Variants in PCDH9 observed in about 807,000 individuals in gnomAD.
PCDH9 encodes the protein protocadherin 9.
PCDH9 carries 24 observed loss-of-function variants against 70.6 expected under a neutral mutation model. The observed-to-expected ratio is 0.34, with a 90% CI of 0.25 to 0.48. The LOEUF is 0.48. PCDH9 is among the 20% of genes least tolerant of loss of function. PCDH9 has a pLI of 0.99. For synonymous variants in PCDH9, 562 were observed against 558.5 expected (o/e 1.01, Z -0.09); for missense variants, 1,281 against 1,503.6 (o/e 0.85, Z 2.45).
In PCDH9 at chr13:66,631,558, TA is replaced by T. The variant is rs2077571717; in HGVS notation, c.3139-148del. On this transcript the variant is annotated intron_variant, in intron 3 of 4. Transcript: ENST00000377865. ...TAGGAACAAAGCTAAGAACAAGTAT[TA>T]ATTACTTGCCATTTACTATGTAATG... 6 of 592,200 alleles carry T rather than the reference TA, an allele frequency of 1.0e-5. No homozygotes were observed. The East Asian group carries it at 1.7e-4, about 16-fold the overall frequency. 36.7% of individuals were successfully genotyped at this position (592,200 alleles called of 1,614,324 possible). A position where few individuals can be genotyped will look rare whatever the true frequency, so the allele number is the denominator to read the frequency against.
intron 2 of PCDH9, among the ~76,000 whole-genome samples, chr13:66,971,896 C>T (rs934950836): frequency 1.3e-4 from 20 of 151,812 alleles, no homozygotes; most frequent in South Asian, 4.1e-4. Context: ...GTTAAGTCTT[C>T]GAGCTATTGT....
chr13:66,442,664 T>C (rs1957995763), intron 4 of PCDH9, among the ~76,000 whole-genome samples: 1 of 25,036 alleles, frequency 4.0e-5, no homozygotes, highest in Admixed American at 8.7e-4. Context: ...CTCCAGTTTG[T>C]TGTTTTTTTT....
chr13:66,433,149 AAC>A (rs1957803458), intron 4 of PCDH9, among the ~76,000 whole-genome samples: 1 of 152,020 alleles, frequency 6.6e-6, no homozygotes, highest in Non-Finnish European at 1.5e-5. Flanking sequence ...TATTTTAATC[AAC>A]ACACTTATTA....
chr13:66,771,559 A>G (rs1430534412), intron 3 of PCDH9, among the ~76,000 whole-genome samples: 5 of 152,222 alleles, frequency 3.3e-5, no homozygotes, highest in Non-Finnish European at 5.9e-5. Flanking sequence ...TTTCCAAGTC[A>G]TATGCCATCT....
chr13:66,885,964 G>A (rs368702063), intron 3 of PCDH9: 10 of 151,958 alleles, frequency 6.6e-5, no homozygotes, highest in African/African-American at 2.2e-4. Context: ...AGGATCCTCT[G>A]GTATTTTAAT....
At chr13:67,205,442 C>T (rs2089315433) in intron 2 of PCDH9, 1 of 152,264 alleles carries the variant, frequency 6.6e-6, no homozygotes, top group African/African-American at 2.4e-5. Context: ...AGCTCTCAAA[C>T]CAAGCTTTGG....
chr13:66,364,346 C>T (rs898063968), intron 4 of PCDH9, among the ~76,000 whole-genome samples: 2 of 152,122 alleles, frequency 1.3e-5, no homozygotes, highest in Non-Finnish European at 2.9e-5. Flanking sequence ...GGAAGAAACC[C>T]TACATTTTTA....
At chr13:66,666,810 T>C (rs1424547125) in intron 3 of PCDH9, among the ~76,000 whole-genome samples, 2 of 152,242 alleles carry the variant, frequency 1.3e-5, no homozygotes, top group Admixed American at 6.5e-5. Context: ...TTTGACTTGC[T>C]ATATTTGAGG....
At chr13:67,136,057 A>G (rs2087224730) in intron 2 of PCDH9, among the ~76,000 whole-genome samples, 1 of 152,178 alleles carries the variant, frequency 6.6e-6, no homozygotes, top group Non-Finnish European at 1.5e-5. Flanking sequence ...CCAGTCAAGG[A>G]TAAACTGCAT....
intron 3 of PCDH9, among the ~76,000 whole-genome samples, chr13:66,678,258 T>C (rs945237670): frequency 6.6e-6 from 1 of 152,056 alleles, no homozygotes; most frequent in Non-Finnish European, 1.5e-5. Flanking sequence ...TTAAAGTTCA[T>C]GGAAAATTGT....
intron 3 of PCDH9, among the ~76,000 whole-genome samples, chr13:66,889,464 C>T (rs1400146795): frequency 1.3e-5 from 2 of 152,128 alleles, no homozygotes; most frequent in Admixed American, 6.6e-5. Context: ...TTGATTGCTT[C>T]CATGATTCTT....
intron 3 of PCDH9, among the ~76,000 whole-genome samples, chr13:66,838,032 A>C (rs780905489): frequency 6.6e-6 from 1 of 152,244 alleles, no homozygotes; most frequent in African/African-American, 2.4e-5. Flanking sequence ...TAAAGCATAA[A>C]AAATTTAAAA....
intron 4 of PCDH9, among the ~76,000 whole-genome samples, chr13:66,525,958 T>C (rs1399983160): frequency 1.3e-5 from 2 of 152,118 alleles, no homozygotes; most frequent in African/African-American, 2.4e-5. Flanking sequence ...TTGTATATAC[T>C]CTGTACAGCT....
intron 2 of PCDH9, among the ~76,000 whole-genome samples, chr13:66,967,453 T>C (rs1266625177): frequency 6.6e-6 from 1 of 152,008 alleles, no homozygotes; most frequent in African/African-American, 2.4e-5. Context: ...AGCTATTGCA[T>C]TGGTTAACAT....
chr13:66,663,453 T>C (rs968930109), intron 3 of PCDH9, among the ~76,000 whole-genome samples: 1 of 152,144 alleles, frequency 6.6e-6, no homozygotes, highest in African/African-American at 2.4e-5. Context: ...TTGGAGTCAA[T>C]GATAAAAAGA....
In PCDH9 at chr13:67,009,809, T is replaced by C. The variant is rs2084420321; in HGVS notation, c.3037-106204A>G. On this transcript the variant is annotated intron_variant, in intron 2 of 4. Transcript: ENST00000377865. The stretch of plus-strand genomic sequence containing the variant: ...GTTAAGTTTTTTTTTGCTTTTAGTG[T>C]TGAATGTATTAAATACAATATAGTT... 2.0e-5 allele frequency among the ~76,000 whole-genome samples: 3 copies of C among 151,968 alleles called. No individual in the cohort carries two copies. In the South Asian group the frequency reaches 6.2e-4, roughly 31 times the overall value.
At chr13:66,623,400 AT>A (rs1215818851) in intron 4 of PCDH9, among the ~76,000 whole-genome samples, 26 of 151,632 alleles carry the variant, frequency 1.7e-4, no homozygotes, top group Non-Finnish European at 1.9e-4. Flanking sequence ...CTGAGTTCAT[AT>A]TTTGGGGCTC....
At chr13:66,507,579 T>A (rs1959245618) in intron 4 of PCDH9, among the ~76,000 whole-genome samples, 1 of 152,170 alleles carries the variant, frequency 6.6e-6, no homozygotes. Context: ...AGCATTGAAG[T>A]ATTGAATGAA....
chr13:66,898,388 T>C (rs1380253558), intron 3 of PCDH9, among the ~76,000 whole-genome samples: 1 of 152,108 alleles, frequency 6.6e-6, no homozygotes, highest in Non-Finnish European at 1.5e-5. Context: ...CTATTAATTG[T>C]AAATAACTTT....
Sources: allele counts gnomAD v4.1 joint callset (sites outside exome capture counted in the v4.1 genomes callset), GRCh38; gene constraint gnomAD v4.1.1; transcripts MANE v1.5; gene names NCBI Gene and HGNC (gene_info 2026-07-23, HGNC 2026-07-21).